Variants in CPLANE1 observed in about 807,000 individuals in gnomAD.
CPLANE1 encodes the protein ciliogenesis and planar polarity effector 1.
A neutral mutation model predicts 362.5 loss-of-function variants in CPLANE1; 263 were observed. The ratio of observed to expected loss-of-function variants is 0.73; its 90% CI spans 0.66 to 0.80. CPLANE1 has a LOEUF of 0.80. Among genes scored for constraint, CPLANE1 ranks in the 30% least tolerant of loss-of-function variants. The pLI is 0.00. For missense variants in CPLANE1, 3,461 were observed against 3,793.4 expected (o/e 0.91, Z 2.30); for synonymous variants, 1,212 against 1,302.6 (o/e 0.93, Z 1.50).
chr5:37,119,635 C>A (rs904744048), intron 50 of CPLANE1, among the ~76,000 whole-genome samples: 2 of 148,472 alleles, frequency 1.3e-5, no homozygotes, highest in African/African-American at 5.0e-5. Context: ...ACACCATTGG[C>A]ACTCCAGCCT....
intron 9 of CPLANE1, among the ~76,000 whole-genome samples, chr5:37,228,743 A>G (rs1046032416): frequency 3.3e-5 from 5 of 152,184 alleles, no homozygotes; most frequent in African/African-American, 1.2e-4. Flanking sequence ...AGTTTTCCAC[A>G]TTATTTAATT....
In CPLANE1 at chr5:37,168,793, T is replaced by G; in HGVS notation, c.7231A>C (p.Arg2411=). ...ATTACCATACAAAAATTCATTACCC[T>G]ATTTTCTGGGGACAAATGTGAATGA... The part of the protein sequence containing the change: ...LLHSHLSPEN[R]CKKTQLIPLE... The change falls in exon 34 of 53, where the codon AGG becomes CGG. Residue 2411 remains arginine (R), a splice_region_variant and synonymous_variant. Transcript: ENST00000651892. 6.2e-7 allele frequency: 1 copy of G among 1,610,086 alleles called. No homozygotes were observed. The highest frequency in any genetic ancestry group is 8.5e-7 in the Non-Finnish European group (1 of 1,177,770).
the CPLANE1 span, among the ~76,000 whole-genome samples, chr5:37,088,033 A>T: frequency 6.6e-6 from 1 of 152,212 alleles, no homozygotes; most frequent in Non-Finnish European, 1.5e-5. Flanking sequence ...CCTCATGCCA[A>T]TGTACAACAA....
At chr5:37,210,091 C>A in intron 16 of CPLANE1, 1 of 822,122 alleles carries the variant, frequency 1.2e-6, no homozygotes, top group Non-Finnish European at 2.1e-6. Flanking sequence ...AAGGAATTAG[C>A]CGTGTTCCAG....
intron 20 of CPLANE1, 57 bp from the exon 21 acceptor site, chr5:37,196,053 A>G (rs1787322504): frequency 7.0e-7 from 1 of 1,424,904 alleles, no homozygotes. Context: ...TCACTTTTAA[A>G]AGAAACTATA....
chr5:37,168,504 A>G (rs1018555486), intron 34 of CPLANE1, among the ~76,000 whole-genome samples: 4 of 147,700 alleles, frequency 2.7e-5, no homozygotes, highest in African/African-American at 1.0e-4. Context: ...TTTAAAATAC[A>G]CAATTTTTTT....
chr5:37,237,382 T>C (rs528408234), intron 8 of CPLANE1, among the ~76,000 whole-genome samples: 1 of 152,194 alleles, frequency 6.6e-6, no homozygotes, highest in East Asian at 1.9e-4. Flanking sequence ...AACTTATAAG[T>C]AGGGACTAAA....
At chr5:37,200,356 C>G (rs1463095178) in intron 19 of CPLANE1, among the ~76,000 whole-genome samples, 1 of 152,202 alleles carries the variant, frequency 6.6e-6, no homozygotes. Context: ...GAACTATTAT[C>G]TGCACAGGCT....
chr5:37,155,438 G>C (rs1561429562), intron 41 of CPLANE1, among the ~76,000 whole-genome samples: 1 of 152,148 alleles, frequency 6.6e-6, no homozygotes, highest in Non-Finnish European at 1.5e-5. Flanking sequence ...GCAGTGGTGA[G>C]ATCTTGGTTT....
chr5:37,181,521 A>C (rs1412696133), intron 26 of CPLANE1, among the ~76,000 whole-genome samples: 3 of 151,652 alleles, frequency 2.0e-5, no homozygotes, highest in African/African-American at 4.9e-5. Context: ...AACCAATCTC[A>C]AGGGAAAAAA....
chr5:37,094,935 T>C, the CPLANE1 span, among the ~76,000 whole-genome samples: 1 of 152,126 alleles, frequency 6.6e-6, no homozygotes, highest in Non-Finnish European at 1.5e-5. Flanking sequence ...ATTGAAATGG[T>C]AATTTAAAAA....
intron 14 of CPLANE1, among the ~76,000 whole-genome samples, chr5:37,223,507 C>G (rs1269177205): frequency 2.0e-5 from 3 of 152,168 alleles, no homozygotes; most frequent in African/African-American, 7.2e-5. Context: ...ATATACAAAG[C>G]CACAGCAGTC....
chr5:37,139,562 A>AT, intron 44 of CPLANE1, 192 bp from the exon 45 acceptor site: 1 of 1,083,220 alleles, frequency 9.2e-7, no homozygotes, highest in Non-Finnish European at 1.2e-6. Context: ...TACTGTCTAC[A>AT]TATTTTTTGA....
Position 37,226,434 on chromosome 5 carries a change from C to G in CPLANE1, c.2161G>C (p.Ala721Pro). 1.3e-6 allele frequency: 2 copies of G among 1,551,336 alleles called. No homozygotes were observed. The highest frequency in any genetic ancestry group is 2.4e-5 in the East Asian group (1 of 40,846). The change falls in exon 12 of 53, where the codon GCT becomes CCT. Residue 721 changes from alanine (A) to proline (P), a missense_variant. This residue lies in a region of CPLANE1 where 3,380 missense variants were observed against 3,666.1 expected (regional missense o/e 0.92). Coordinates refer to ENST00000651892, the MANE Select transcript of CPLANE1 (RefSeq NM_001384732.1). Reference protein sequence around the residue: ...SASADGSKITAQDSLVVPIFQ... With the variant: ...SASADGSKITPQDSLVVPIFQ... ...ATAGGTACCACCAATGAGTCTTGAGCTGTTATTTTACTTCCATCAGCTGAT... is the reference window on the plus strand; with the variant it reads ...ATAGGTACCACCAATGAGTCTTGAGGTGTTATTTTACTTCCATCAGCTGAT...
At position 37,107,832 on chromosome 5, in the gene CPLANE1, AC is replaced by A. The variant is rs1757965752; in HGVS notation, c.9580-55del. 6 of 1,476,976 alleles carry A rather than the reference AC, an allele frequency of 4.1e-6. No homozygotes were observed. The South Asian group carries it at 8.3e-5, about 20-fold the overall frequency. The allele number at this position is 1,476,976 out of a possible 1,614,324, so 91.5% of individuals were successfully genotyped here. Reference sequence around the variant, plus strand: ...CTAGCCCCTAAAAACAAACAAAAAAACAAAAACAAAAAAACCTGGAACGTGA... The same window carrying A: ...CTAGCCCCTAAAAACAAACAAAAAAAAAAAACAAAAAAACCTGGAACGTGA... On this transcript the variant is annotated intron_variant, in intron 52 of 52. Coordinates refer to ENST00000651892, the MANE Select transcript of CPLANE1 (RefSeq NM_001384732.1).
chr5:37,142,775 T>C (rs561127901), intron 43 of CPLANE1: 1 of 176,040 alleles, frequency 5.7e-6, no homozygotes, highest in Admixed American at 6.3e-5. Context: ...GACCAATCTT[T>C]CTAAACAGAG....
chr5:37,180,931 A>C lies in CPLANE1; in HGVS notation c.5496T>G (p.Gly1832=), dbSNP rs1580479464. 6.2e-7 allele frequency: 1 copy of C among 1,614,058 alleles called. No individual in the cohort carries two copies. Among genetic ancestry groups the C allele is most frequent in the African/African-American group, 1.3e-5 (1 of 75,064 alleles). ...CACCTGGAGTTGCTACTGCAACTGA[A>C]CCGCCAGCATCTGATTTGCTCTCCC... ...IERESKSDAG[G]SVAVATPGGT... Residue 1832 remains glycine, a synonymous_variant, in exon 27 of 53, where the codon GGT becomes GGG. Transcript: ENST00000651892.
intron 41 of CPLANE1, among the ~76,000 whole-genome samples, chr5:37,155,196 C>G (rs1180090909): frequency 2.6e-5 from 4 of 152,170 alleles, no homozygotes; most frequent in African/African-American, 9.7e-5. Context: ...CCTTTTCTGT[C>G]CAAAACTCTT....
intron 41 of CPLANE1, among the ~76,000 whole-genome samples, chr5:37,156,402 A>C (rs1411423513): frequency 6.6e-6 from 1 of 152,106 alleles, no homozygotes; most frequent in Admixed American, 6.6e-5. Flanking sequence ...CCAGGAGTTT[A>C]AGACCAACCT....
Sources: allele counts gnomAD v4.1 joint callset (sites outside exome capture counted in the v4.1 genomes callset), GRCh38; gene constraint gnomAD v4.1.1; regional missense constraint gnomAD v4.1.1; transcripts MANE v1.5; gene names NCBI Gene and HGNC (gene_info 2026-07-23, HGNC 2026-07-21).